FHIT: variants seen among roughly 807,000 people sequenced by gnomAD.
The protein encoded by FHIT is fragile histidine triad diadenosine triphosphatase.
Under a neutral mutation model 17.9 loss-of-function variants are expected in FHIT, and 19 were observed. The ratio of observed to expected loss-of-function variants is 1.06; its 90% CI spans 0.74 to 1.56. The LOEUF (loss-of-function observed/expected upper bound fraction) is 1.56. FHIT is among the 40% of genes most tolerant of loss of function. The pLI, the probability that FHIT is intolerant of heterozygous loss-of-function variation, is 0.00. For synonymous variants in FHIT, 81 were observed against 69.7 expected, an observed-to-expected ratio of 1.16 and a Z score of -0.81; for missense variants, 248 against 189.2, an observed-to-expected ratio of 1.31 and a Z score of -1.82.
intron 3 of FHIT, among the ~76,000 whole-genome samples, chr3:60,902,024 A>G (rs2107227420): frequency 6.6e-6 from 1 of 152,304 alleles, no homozygotes; most frequent in Middle Eastern, 3.4e-3. Context: ...ATGGAGGTAT[A>G]ATTTAAAAAT....
At chr3:61,041,318 G>A (rs28708759) in intron 3 of FHIT, among the ~76,000 whole-genome samples, 26,831 of 151,544 alleles carry the variant, frequency 0.18, 2,666 homozygotes, top group African/African-American at 0.24. Context: ...CAGAAGTTGC[G>A]GTGAGCTGAG....
chr3:59,848,653 A>G (rs1701813375), intron 8 of FHIT, among the ~76,000 whole-genome samples: 1 of 152,220 alleles, frequency 6.6e-6, no homozygotes, highest in African/African-American at 2.4e-5. Context: ...AGGTAACGCA[A>G]TGGGAAGGTA....
At chr3:61,247,228 G>A (rs369300701) in intron 1 of FHIT, among the ~76,000 whole-genome samples, 1 of 152,266 alleles carries the variant, frequency 6.6e-6, no homozygotes, top group East Asian at 1.9e-4. Context: ...CTCTGCTGTT[G>A]CTGTGATCCT....
At chr3:60,825,534 C>T (rs1192659427) in intron 3 of FHIT, among the ~76,000 whole-genome samples, 2 of 152,038 alleles carry the variant, frequency 1.3e-5, no homozygotes, top group Non-Finnish European at 2.9e-5. Context: ...GACCAGGCCA[C>T]ACAGCAGGAG....
At chr3:60,624,158 G>A (rs2039214689) in intron 4 of FHIT, among the ~76,000 whole-genome samples, 1 of 152,152 alleles carries the variant, frequency 6.6e-6, no homozygotes, top group African/African-American at 2.4e-5. Context: ...TAGAGCCAGT[G>A]GTGTGAAGGC....
At chr3:60,329,326 C>G (rs1182208450) in intron 5 of FHIT, among the ~76,000 whole-genome samples, 1 of 152,142 alleles carries the variant, frequency 6.6e-6, no homozygotes, top group Non-Finnish European at 1.5e-5. Context: ...CTGAAAGCAG[C>G]CTCCCTGTGT....
chr3:60,767,646 T>A (rs1553721860), intron 4 of FHIT, among the ~76,000 whole-genome samples: 1 of 152,234 alleles, frequency 6.6e-6, no homozygotes, highest in African/African-American at 2.4e-5. Context: ...TGTCTTCACA[T>A]GATAGATGAT....
chr3:60,110,414 A>G (rs568293334), intron 5 of FHIT, among the ~76,000 whole-genome samples: 12 of 152,310 alleles, frequency 7.9e-5, no homozygotes, highest in African/African-American at 7.2e-5. Flanking sequence ...GATCAGGACA[A>G]AATGATTCTA....
At chr3:60,718,615 G>A (rs1553707337) in intron 4 of FHIT, among the ~76,000 whole-genome samples, 2 of 152,110 alleles carry the variant, frequency 1.3e-5, no homozygotes, top group Non-Finnish European at 2.9e-5. Flanking sequence ...AAAGAACACA[G>A]CCCCAGGCAA....
chr3:59,789,449 C>T (rs74392318), intron 8 of FHIT, among the ~76,000 whole-genome samples: 1,882 of 152,182 alleles, frequency 0.012, 20 homozygotes, highest in Middle Eastern at 0.048. Flanking sequence ...TTCTCTTCTC[C>T]GTTGCTAAGA....
At chr3:60,616,486 C>A (rs543167315) in intron 4 of FHIT, among the ~76,000 whole-genome samples, 16 of 152,192 alleles carry the variant, frequency 1.1e-4, no homozygotes, top group African/African-American at 3.9e-4. Flanking sequence ...GCAATCATAG[C>A]AAGCTTGTGG....
chr3:60,153,253 C>T (rs538919349), intron 5 of FHIT, among the ~76,000 whole-genome samples: 3 of 151,264 alleles, frequency 2.0e-5, no homozygotes, highest in Admixed American at 2.0e-4. Context: ...TAGTAAAACC[C>T]AGACTAGAAC....
intron 5 of FHIT, among the ~76,000 whole-genome samples, chr3:60,178,882 C>T (rs1701798725): frequency 6.6e-6 from 1 of 152,084 alleles, no homozygotes; most frequent in African/African-American, 2.4e-5. Flanking sequence ...TGATATTGCC[C>T]TCTGTATTCT....
At chr3:61,135,813 G>T (rs1293567458) in intron 2 of FHIT, among the ~76,000 whole-genome samples, 1 of 151,912 alleles carries the variant, frequency 6.6e-6, no homozygotes, top group African/African-American at 2.4e-5. Context: ...TAGAAATACA[G>T]AAAATAAAGA....
At chr3:60,015,902 C>A (rs777523445) in intron 5 of FHIT, among the ~76,000 whole-genome samples, 2 of 152,142 alleles carry the variant, frequency 1.3e-5, no homozygotes, top group Non-Finnish European at 2.9e-5. Flanking sequence ...TGCTTGTTTG[C>A]ATGTTGCTCC....
At chr3:61,243,890 T>C (rs904320192) in intron 1 of FHIT, 3 of 152,182 alleles carry the variant, frequency 2.0e-5, no homozygotes, top group African/African-American at 7.2e-5. Flanking sequence ...AATTTATAGT[T>C]AGTTCATCAA....
chr3:60,697,946 A>G (rs539909702), intron 4 of FHIT, among the ~76,000 whole-genome samples: 1 of 152,294 alleles, frequency 6.6e-6, no homozygotes, highest in South Asian at 2.1e-4. Context: ...TTACACAGTA[A>G]AAGAAAAGAC....
In FHIT at chr3:60,148,710, C is replaced by T. The variant is rs527847080; in HGVS notation, c.104-134558G>A. Among the ~76,000 whole-genome samples the T allele has an allele frequency of 3.9e-5, 6 of 152,268 alleles. No homozygotes were observed. The South Asian group carries it at 8.3e-4, about 21-fold the overall frequency. The stretch of plus-strand genomic sequence containing the variant: ...AAAGATAACTAAGATAAAAGAATGT[C>T]TCTTGCAGAATTAAGACCTTGGGAT... On this transcript the variant is annotated intron_variant, in intron 5 of 9. Transcript: ENST00000492590.
At chr3:61,188,298 A>G (rs750800340) in intron 2 of FHIT, among the ~76,000 whole-genome samples, 90 of 152,348 alleles carry the variant, frequency 5.9e-4, no homozygotes, top group African/African-American at 1.3e-3. Flanking sequence ...AGAATACTAT[A>G]AACACCTCTA....
Sources: allele counts gnomAD v4.1 joint callset (sites outside exome capture counted in the v4.1 genomes callset), GRCh38; gene constraint gnomAD v4.1.1; transcripts MANE v1.5; gene names NCBI Gene and HGNC (gene_info 2026-07-23, HGNC 2026-07-21).